The following RSF1 variants were observed in gnomAD, a reference collection of about 807,000 sequenced individuals.
RSF1 encodes remodeling and spacing factor 1, also known as HBV pX-associated protein 8.
RSF1 carries 13 observed loss-of-function variants against 145.2 expected under a neutral mutation model. That is an observed-to-expected ratio of 0.09 (90% confidence interval 0.06 to 0.14). The LOEUF is 0.14. Ranked by LOEUF, RSF1 falls within the 10% of genes least tolerant of loss-of-function variation. The pLI, the probability that RSF1 is intolerant of heterozygous loss-of-function variation, is 1.00. For missense variants in RSF1, 1,517 were observed against 1,718.2 expected (o/e 0.88, Z 2.07); for synonymous variants, 577 against 592.6 (o/e 0.97, Z 0.38).
intron 7 of RSF1, among the ~76,000 whole-genome samples, chr11:77,694,329 A>T (rs1960232251): frequency 6.6e-6 from 1 of 152,202 alleles, no homozygotes; most frequent in Non-Finnish European, 1.5e-5. Flanking sequence ...CCTGTAAGAA[A>T]CACTCATGGT....
At chr11:77,682,235 TA>T (rs1959882124) in intron 11 of RSF1, among the ~76,000 whole-genome samples, 1 of 152,208 alleles carries the variant, frequency 6.6e-6, no homozygotes, top group Non-Finnish European at 1.5e-5. Flanking sequence ...TATAAAGTTT[TA>T]ACACTAACAA....
intron 5 of RSF1, among the ~76,000 whole-genome samples, chr11:77,713,190 G>C (rs1377088979): frequency 6.6e-6 from 1 of 151,930 alleles, no homozygotes; most frequent in Non-Finnish European, 1.5e-5. Flanking sequence ...CTGATGTTTT[G>C]TCAGTCATTT....
intron 5 of RSF1, among the ~76,000 whole-genome samples, chr11:77,705,910 A>T (rs1016962461): frequency 3.9e-5 from 6 of 152,172 alleles, no homozygotes; most frequent in Non-Finnish European, 1.5e-5. Flanking sequence ...CCCACCACAC[A>T]AATAAAATGT....
chr11:77,668,101 A>C (rs1959418927), intron 15 of RSF1, among the ~76,000 whole-genome samples: 1 of 150,332 alleles, frequency 6.7e-6, no homozygotes, highest in Non-Finnish European at 1.5e-5. Flanking sequence ...AGATTCAAGC[A>C]ATTCTCCTGT....
intron 7 of RSF1, among the ~76,000 whole-genome samples, chr11:77,697,987 T>A (rs553958963): frequency 6.6e-6 from 1 of 152,208 alleles, no homozygotes; most frequent in African/African-American, 2.4e-5. Flanking sequence ...AATATCATTA[T>A]AAAGTTACCT....
intron 1 of RSF1, among the ~76,000 whole-genome samples, chr11:77,768,842 C>T (rs1247766254): frequency 6.6e-6 from 1 of 152,074 alleles, no homozygotes; most frequent in African/African-American, 2.4e-5. Flanking sequence ...TAAAACGGCA[C>T]TGTCTATTAA....
At chr11:77,796,165 C>A (rs11824150) in intron 1 of RSF1, among the ~76,000 whole-genome samples, 2 of 151,874 alleles carry the variant, frequency 1.3e-5, no homozygotes, top group Non-Finnish European at 2.9e-5. Context: ...TTTTATGAGG[C>A]CAGCACCACC....
chr11:77,713,059 C>G (rs1438030587), intron 5 of RSF1, among the ~76,000 whole-genome samples: 1 of 152,138 alleles, frequency 6.6e-6, no homozygotes, highest in Non-Finnish European at 1.5e-5. Flanking sequence ...AAATCAAAAT[C>G]TGGAGGCTGT....
intron 4 of RSF1, among the ~76,000 whole-genome samples, chr11:77,739,850 T>C (rs1272399724): frequency 6.6e-6 from 1 of 152,074 alleles, no homozygotes; most frequent in African/African-American, 2.4e-5. Context: ...ACTCATAGGG[T>C]TTAGGTTATA....
At position 77,673,033 on chromosome 11, in the gene RSF1, G is replaced by T. The variant is rs144410358; in HGVS notation, c.3563-803C>A. On this transcript the variant is annotated intron_variant, in intron 14 of 15. Transcript: ENST00000308488. ...TAGTCCTTACTGCAGTCGACCTACA[G>T]CTACCTGGTCAGGTACACAGCTGCC... 2.9e-3 allele frequency among the ~76,000 whole-genome samples: 434 copies of T among 152,242 alleles called. 5 individuals carry two copies. The highest frequency in any genetic ancestry group is 3.9e-3 in the Admixed American group (60 of 15,278).
intron 15 of RSF1, among the ~76,000 whole-genome samples, chr11:77,668,058 C>T (rs1012334377): frequency 6.6e-6 from 1 of 150,506 alleles, no homozygotes; most frequent in Non-Finnish European, 1.5e-5. Flanking sequence ...AGTATCATGG[C>T]GCAAACTAGG....
rs1011672309 is a variant in RSF1 at position 77,734,998 on chromosome 11, C to T, written c.578+5733G>A. On this transcript the variant is annotated intron_variant, in intron 4 of 15. Coordinates refer to ENST00000308488, the MANE Select transcript of RSF1 (RefSeq NM_016578.4). ...CTCTGAGTCCTGGTGGTAGTTCTGGCGCACCTGTGAGGTGGACGTGGTCCT... is the reference window on the plus strand; with the variant it reads ...CTCTGAGTCCTGGTGGTAGTTCTGGTGCACCTGTGAGGTGGACGTGGTCCT... 2.1e-5 allele frequency: 34 copies of T among 1,594,764 alleles called. No individual in the cohort carries two copies. In the Admixed American group the frequency reaches 2.8e-4, roughly 13 times the overall value.
chr11:77,667,591 A>C, intron 15 of RSF1, 100 bp from the exon 16 acceptor site: 2 of 1,065,632 alleles, frequency 1.9e-6, no homozygotes, highest in Non-Finnish European at 2.7e-6. Context: ...TGCTTTCAGA[A>C]TTGCTTGTAC....
intron 5 of RSF1, among the ~76,000 whole-genome samples, chr11:77,722,899 C>G (rs11237274): frequency 0.18 from 27,237 of 152,112 alleles, 3,076 homozygotes; most frequent in African/African-American, 0.3. Context: ...CTACTTTAAA[C>G]TACACAATTA....
At chr11:77,816,325 T>G (rs892226982) in intron 1 of RSF1, among the ~76,000 whole-genome samples, 2 of 152,214 alleles carry the variant, frequency 1.3e-5, no homozygotes, top group African/African-American at 4.8e-5. Flanking sequence ...CCTTTCCACT[T>G]TATCAAATGC....
chr11:77,760,374 T>C (rs1948159188), intron 2 of RSF1, among the ~76,000 whole-genome samples: 1 of 151,936 alleles, frequency 6.6e-6, no homozygotes, highest in South Asian at 2.1e-4. Context: ...ATGTCCAGAG[T>C]AGGCAAATCC....
the RSF1 span, among the ~76,000 whole-genome samples, chr11:77,836,485 A>G: frequency 6.6e-6 from 1 of 152,152 alleles, no homozygotes; most frequent in Non-Finnish European, 1.5e-5. Flanking sequence ...AACCAATCCT[A>G]TTGGCACCTT....
intron 14 of RSF1, among the ~76,000 whole-genome samples, chr11:77,673,777 T>C (rs559144051): frequency 1.2e-4 from 18 of 152,326 alleles, no homozygotes; most frequent in Non-Finnish European, 2.2e-4. Flanking sequence ...TGCAACATTC[T>C]CTGTGCTATT....
intron 3 of RSF1, among the ~76,000 whole-genome samples, chr11:77,742,298 T>C (rs1417612583): frequency 2.6e-5 from 4 of 152,108 alleles, no homozygotes; most frequent in African/African-American, 9.7e-5. Context: ...TTTTCTTTTT[T>C]AAGACAGAGT....
Sources: gnomAD v4.1 joint callset for allele counts (sites outside exome capture counted in the v4.1 genomes callset) on GRCh38, gnomAD v4.1.1 for gene constraint, MANE v1.5 for transcripts, NCBI Gene and HGNC (gene_info 2026-07-23, HGNC 2026-07-21) for gene names.